Variants in LRRC4B observed in about 807,000 individuals in gnomAD.
The protein encoded by LRRC4B is leucine rich repeat containing 4B.
LRRC4B carries 1 observed loss-of-function variant against 7.3 expected under a neutral mutation model. The ratio of observed to expected loss-of-function variants is 0.14; its 90% CI spans 0.05 to 0.65. The LOEUF (loss-of-function observed/expected upper bound fraction) is 0.65. Ranked by LOEUF, LRRC4B falls within the 30% of genes least tolerant of loss-of-function variation. The pLI is 0.84. For synonymous variants in LRRC4B, 500 were observed against 499.2 expected (o/e 1.00, Z -0.02); for missense variants, 730 against 1,041.6 (o/e 0.70, Z 4.12).
At chr19:50,560,693 C>T (rs1982433291) in intron 1 of LRRC4B, among the ~76,000 whole-genome samples, 1 of 152,244 alleles carries the variant, frequency 6.6e-6, no homozygotes, top group African/African-American at 2.4e-5. Context: ...CAGGCTCCGC[C>T]TTGCAGTCTG....
chr19:50,551,722 G>A (rs1454848134), intron 1 of LRRC4B, among the ~76,000 whole-genome samples: 1 of 150,294 alleles, frequency 6.7e-6, no homozygotes, highest in Non-Finnish European at 1.5e-5. Flanking sequence ...TCGGCCCTGA[G>A]CCCGTCTCAG....
chr19:50,554,901 T>G (rs2122916048), intron 1 of LRRC4B, among the ~76,000 whole-genome samples: 2 of 152,232 alleles, frequency 1.3e-5, no homozygotes, highest in Middle Eastern at 6.8e-3. Context: ...GACCCCCAAG[T>G]GTGGCCTGAC....
intron 2 of LRRC4B, among the ~76,000 whole-genome samples, chr19:50,543,751 G>T (rs1981660760): frequency 6.7e-6 from 1 of 149,532 alleles, no homozygotes; most frequent in Non-Finnish European, 1.5e-5. Context: ...TACTCGGGAG[G>T]CTAAGGCAGG....
At chr19:50,561,990 T>C (rs1344091905) in intron 1 of LRRC4B, among the ~76,000 whole-genome samples, 1 of 110,386 alleles carries the variant, frequency 9.1e-6, no homozygotes, top group South Asian at 3.1e-4. Context: ...TAGTGATGCG[T>C]GCCTGTAGTC....
chr19:50,544,368 G>A (rs1446709143), intron 2 of LRRC4B, among the ~76,000 whole-genome samples: 8 of 151,982 alleles, frequency 5.3e-5, no homozygotes, highest in African/African-American at 1.4e-4. Flanking sequence ...TTAGCTGGGT[G>A]TGGTGGCGGG....
Position 50,517,647 on chromosome 19 carries a change from G to A in LRRC4B, c.2066C>T (p.Pro689Leu). The A allele has an allele frequency of 4.0e-6, 6 of 1,506,392 alleles. No individual in the cohort carries two copies. The highest frequency in any genetic ancestry group is 1.8e-4 in the Middle Eastern group (1 of 5,436). 93.3% of individuals were successfully genotyped at this position (1,506,392 alleles called of 1,614,324 possible). The change falls in exon 3 of 3, where the codon CCT becomes CTT. Residue 689 changes from proline (P) to leucine (L), a missense_variant. Around this residue, in one of 6 missense-constraint regions of LRRC4B, gnomAD observed 160 missense variants for 163.9 expected, o/e 0.98. Coordinates refer to ENST00000652263, the MANE Select transcript of LRRC4B (RefSeq NM_001080457.2). The surrounding 1 kb of genome is among the most constrained non-coding windows in gnomAD (Gnocchi z 6.6). ...AGGTTCGTGGATGGAGTTGAGGCCA[G>A]GCGGGCCTTTGCCCCCGCAGCCCCC... ...SGGGCGGKGP[P>L]GLNSIHEPLL...
rs869274104 is a variant in LRRC4B at position 50,520,222 on chromosome 19, AAAAAAAAAAAAAAAAAAAAAAAAAAGAAG to A, written c.298-836_298-808del. 5.0e-3 allele frequency among the ~76,000 whole-genome samples: 334 copies of A among 66,982 alleles called. 54 individuals are homozygous for A. Among genetic ancestry groups the A allele is most frequent in the South Asian group, 0.038 (55 of 1,440 alleles). 43.9% of individuals were successfully genotyped at this position (66,982 alleles called of 152,430 possible). On this transcript the variant is annotated intron_variant, in intron 2 of 2. Coordinates refer to ENST00000652263, the MANE Select transcript of LRRC4B (RefSeq NM_001080457.2). ...CCCTGTCAAAAAAAAAAAAAAAAAA[AAAAAAAAAAAAAAAAAAAAAAAAAAGAAG>A]AAAAGAAAAGAAAAATGAACAAACA...
chr19:50,545,392 G>C (rs1288013895), intron 2 of LRRC4B, among the ~76,000 whole-genome samples: 1 of 131,590 alleles, frequency 7.6e-6, no homozygotes, highest in Admixed American at 8.7e-5. Context: ...TGGGTAACAA[G>C]AGTGAAACTC....
chr19:50,524,729 G>A (rs1980725576), intron 2 of LRRC4B, among the ~76,000 whole-genome samples: 2 of 152,184 alleles, frequency 1.3e-5, no homozygotes, highest in African/African-American at 4.8e-5. Flanking sequence ...CACTCTTTAT[G>A]GTGGAGCTTC....
At chr19:50,538,877 C>G (rs566609948) in intron 2 of LRRC4B, among the ~76,000 whole-genome samples, 2 of 144,514 alleles carry the variant, frequency 1.4e-5, no homozygotes, top group Admixed American at 7.0e-5. Flanking sequence ...ATTACAGGTG[C>G]GAGCCACCGC....
intron 2 of LRRC4B, among the ~76,000 whole-genome samples, chr19:50,531,596 G>T (rs1981063014): frequency 6.6e-6 from 1 of 152,228 alleles, no homozygotes; most frequent in Admixed American, 6.5e-5. Flanking sequence ...TGTGGCATAG[G>T]GCTGCTTTAA....
intron 2 of LRRC4B, among the ~76,000 whole-genome samples, chr19:50,542,424 C>CA (rs1981590293): frequency 6.6e-6 from 1 of 150,900 alleles, no homozygotes; most frequent in Non-Finnish European, 1.5e-5. Context: ...CCACCAATCT[C>CA]AAAAAACAGT....
chr19:50,553,991 C>CTTTTTTT lies in LRRC4B; in HGVS notation c.-35-5125_-35-5119dup, dbSNP rs3058937. Among the ~76,000 whole-genome samples, 1 of 111,786 alleles carries CTTTTTTT rather than the reference C, an allele frequency of 8.9e-6. No individual in the cohort carries two copies. The highest frequency in any genetic ancestry group is 3.5e-5 in the African/African-American group (1 of 28,204). 73.3% of individuals were successfully genotyped at this position (111,786 alleles called of 152,430 possible). ...GGAGGCCTGCTGGCAGAGGCAGCAC[C>CTTTTTTT]TTTTTTTTTTTTTTTTTTTTGAGAC... On this transcript the variant is annotated intron_variant, in intron 1 of 2. Transcript: ENST00000652263. The surrounding 1 kb of genome is among the most constrained non-coding windows in gnomAD (Gnocchi z 4.2).
intron 1 of LRRC4B, among the ~76,000 whole-genome samples, chr19:50,557,165 A>G: frequency 6.6e-6 from 1 of 151,820 alleles, no homozygotes; most frequent in South Asian, 2.1e-4. Context: ...AAATTTGTAA[A>G]AGTGGCAGAA....
chr19:50,565,064 C>T (rs1053767532), intron 1 of LRRC4B, among the ~76,000 whole-genome samples: 1 of 152,274 alleles, frequency 6.6e-6, no homozygotes, highest in Admixed American at 6.5e-5. Flanking sequence ...TGAGGAGCCC[C>T]GTGGCGAGAG....
chr19:50,558,458 G>A (rs994619341), intron 1 of LRRC4B, among the ~76,000 whole-genome samples: 3 of 151,994 alleles, frequency 2.0e-5, no homozygotes, highest in Non-Finnish European at 4.4e-5. Context: ...TCAAACTCTC[G>A]GCCTCAAACA....
At chr19:50,535,159 C>A (rs879812790) in intron 2 of LRRC4B, among the ~76,000 whole-genome samples, 4 of 151,886 alleles carry the variant, frequency 2.6e-5, no homozygotes, top group Admixed American at 6.6e-5. Flanking sequence ...TGACCCACCA[C>A]GCCCGGCCTG....
At chr19:50,523,985 A>C (rs1278803553) in intron 2 of LRRC4B, among the ~76,000 whole-genome samples, 1 of 151,342 alleles carries the variant, frequency 6.6e-6, no homozygotes, top group African/African-American at 2.4e-5. Context: ...GGAAGGACAT[A>C]CTCCAAGCTT....
rs1428600750 is a variant in LRRC4B, at chr19:50,548,495, C to T, written c.297+47G>A. 1.3e-6 allele frequency: 2 copies of T among 1,552,494 alleles called. No homozygotes were observed. The highest frequency in any genetic ancestry group is 1.7e-6 in the Non-Finnish European group (2 of 1,156,310). On this transcript the variant is annotated intron_variant, in intron 2 of 2. Transcript: ENST00000652263. This position sits in a 1 kb window ranked among gnomAD's most constrained non-coding sequence, Gnocchi z 6.8. ...GGGATGGGCTACATCTGCATGCCTC[C>T]CCAGTGTCCCCTCCAAGGTCCCCCT... is the stretch of plus-strand genomic sequence containing the variant.
Sources: allele counts gnomAD v4.1 joint callset (sites outside exome capture counted in the v4.1 genomes callset), GRCh38; gene constraint gnomAD v4.1.1; regional missense constraint gnomAD v4.1.1; non-coding constraint Gnocchi (gnomAD v3.1); transcripts MANE v1.5; gene names NCBI Gene and HGNC (gene_info 2026-07-23, HGNC 2026-07-21).